TATDN1: variants seen among roughly 807,000 people sequenced by gnomAD.
TATDN1 encodes the protein TatD DNase domain containing 1, also known as deoxyribonuclease TATDN1.
A neutral mutation model predicts 46.4 loss-of-function variants in TATDN1; 40 were observed. That is an observed-to-expected ratio of 0.86 (90% CI 0.67 to 1.12). The LOEUF (loss-of-function observed/expected upper bound fraction) is 1.12. Ranked by LOEUF, TATDN1 falls within the 50% of genes most tolerant of loss-of-function variation. The pLI is 0.00. For synonymous variants in TATDN1, 95 were observed against 105.6 expected, an observed-to-expected ratio of 0.90 and a Z score of 0.62; for missense variants, 326 against 348.4, an observed-to-expected ratio of 0.94 and a Z score of 0.51.
intron 9 of TATDN1, among the ~76,000 whole-genome samples, chr8:124,500,773 C>A (rs1483634489): frequency 1.1e-4 from 16 of 146,364 alleles, no homozygotes; most frequent in East Asian, 4.1e-4. Context: ...AAAACAAAAC[C>A]AAACTTACAG....
rs77678981 is a variant in TATDN1 at position 124,496,065 on chromosome 8, T to C, written c.594-523A>G. On this transcript the variant is annotated intron_variant, in intron 9 of 11. Transcript: ENST00000276692. ...CTCTATCAGCCAAAACCCAGCTGAC[T>C]CAAAGATCCATGAATGCAAACATAA... 4.4e-3 allele frequency among the ~76,000 whole-genome samples: 674 copies of C among 152,330 alleles called. 6 individuals are homozygous for C. The highest frequency in any genetic ancestry group is 0.015 in the African/African-American group (634 of 41,574).
Position 124,493,837 on chromosome 8 carries a change from TA to T in TATDN1, c.786del (p.His262GlnfsTer2). ...CCATGAAAGCAAAATACTCACATTA[TA>T]TGGCAGGGTTCATTTCTGTCTTTTA... ...HCLKDRNEPC[H>X]IIQILEIMSA... On this transcript the variant is annotated frameshift_variant, in exon 11 of 12. Transcript: ENST00000276692. LOFTEE classifies it high-confidence loss of function. 1.2e-6 allele frequency: 2 copies of T among 1,603,802 alleles called. No individual in the cohort carries two copies. The highest frequency in any genetic ancestry group is 1.7e-6 in the Non-Finnish European group (2 of 1,177,832).
In TATDN1 at chr8:124,518,899, T is replaced by G; in HGVS notation, c.139-18A>C. 1 of 1,553,246 alleles carries G rather than the reference T, an allele frequency of 6.4e-7. No individual in the cohort carries two copies. Among genetic ancestry groups the G allele is most frequent in the East Asian group, 2.3e-5 (1 of 44,440 alleles). Reference sequence around the variant, plus strand: ...ATCATAAACTGAAATAGAAAGAAAATAAAATAAGCTGACTTTAATAGGGCA... The same window carrying G: ...ATCATAAACTGAAATAGAAAGAAAAGAAAATAAGCTGACTTTAATAGGGCA... On this transcript the variant is annotated intron_variant, in intron 3 of 11. Coordinates refer to ENST00000276692, the MANE Select transcript of TATDN1 (RefSeq NM_032026.4).
chr8:124,493,796 C>T (rs910974370), intron 11 of TATDN1, 37 bp downstream of exon 11: 19 of 1,563,012 alleles, frequency 1.2e-5, no homozygotes, highest in Non-Finnish European at 1.6e-5. Context: ...TGGTGGTTAA[C>T]TAATGATTTT....
chr8:124,498,203 G>T (rs1476426343), intron 9 of TATDN1, among the ~76,000 whole-genome samples: 1 of 152,100 alleles, frequency 6.6e-6, no homozygotes, highest in African/African-American at 2.4e-5. Context: ...GTGAAAGCAG[G>T]CCTGTTTTAC....
chr8:124,509,097 G>A (rs965557026), intron 6 of TATDN1, among the ~76,000 whole-genome samples: 2 of 152,084 alleles, frequency 1.3e-5, no homozygotes, highest in Non-Finnish European at 2.9e-5. Flanking sequence ...AATGAACAAG[G>A]TTTCCCTCAA....
chr8:124,529,992 G>A (rs1219583207), intron 1 of TATDN1, among the ~76,000 whole-genome samples: 1 of 152,132 alleles, frequency 6.6e-6, no homozygotes, highest in African/African-American at 2.4e-5. Context: ...TTGGGATGCT[G>A]AGGCAGGAGA....
At chr8:124,525,447 A>G (rs888301315) in intron 1 of TATDN1, among the ~76,000 whole-genome samples, 2 of 152,070 alleles carry the variant, frequency 1.3e-5, no homozygotes, top group Non-Finnish European at 2.9e-5. Context: ...ACGCCCAGCC[A>G]GTCTTAGTAA....
At chr8:124,532,700 C>T (rs1040260074) in intron 1 of TATDN1, among the ~76,000 whole-genome samples, 3 of 152,216 alleles carry the variant, frequency 2.0e-5, no homozygotes, top group East Asian at 1.9e-4. Context: ...AAATATTAAC[C>T]GTTTCACCCC....
chr8:124,532,323 G>A (rs531864696), intron 1 of TATDN1, among the ~76,000 whole-genome samples: 3 of 152,218 alleles, frequency 2.0e-5, no homozygotes, highest in African/African-American at 7.2e-5. Flanking sequence ...TCACTCTGTC[G>A]CCCGGGCTGG....
chr8:124,497,524 C>T (rs564728617), intron 9 of TATDN1, among the ~76,000 whole-genome samples: 28 of 152,108 alleles, frequency 1.8e-4, no homozygotes, highest in African/African-American at 4.1e-4. Context: ...TTACCTCAGG[C>T]GATCCACCTG....
chr8:124,494,644 A>G (rs1817305375), intron 10 of TATDN1: 2 of 152,066 alleles, frequency 1.3e-5, no homozygotes, highest in South Asian at 4.1e-4. Flanking sequence ...TCCCGGGTTC[A>G]AACAATTCTC....
chr8:124,497,034 A>G (rs1000533108), intron 9 of TATDN1, among the ~76,000 whole-genome samples: 2 of 152,230 alleles, frequency 1.3e-5, no homozygotes, highest in African/African-American at 4.8e-5. Flanking sequence ...TCAAATTTCC[A>G]GTTGTCTCAG....
At chr8:124,516,423 C>T (rs1237008513) in intron 4 of TATDN1, among the ~76,000 whole-genome samples, 1 of 151,970 alleles carries the variant, frequency 6.6e-6, no homozygotes, top group Non-Finnish European at 1.5e-5. Flanking sequence ...CCACCTCAGC[C>T]TCCCACGTAA....
intron 4 of TATDN1, among the ~76,000 whole-genome samples, chr8:124,518,013 C>T (rs1586639240): frequency 6.7e-6 from 1 of 149,104 alleles, no homozygotes; most frequent in Admixed American, 6.7e-5. Flanking sequence ...AGATCAAGAC[C>T]CATCTTGGCT....
chr8:124,523,100 T>A (rs1372051604), intron 1 of TATDN1, 98 bp from the exon 2 acceptor site: 2 of 978,336 alleles, frequency 2.0e-6, no homozygotes, highest in Non-Finnish European at 3.2e-6. Flanking sequence ...GTTCACACAC[T>A]CATCTACTCA....
intron 8 of TATDN1, among the ~76,000 whole-genome samples, chr8:124,507,465 T>C (rs974831482): frequency 2.0e-5 from 3 of 152,166 alleles, no homozygotes; most frequent in Non-Finnish European, 4.4e-5. Flanking sequence ...AGACGAAGAA[T>C]ATCATGCACA....
intron 1 of TATDN1, among the ~76,000 whole-genome samples, chr8:124,538,664 C>T (rs1821713972): frequency 6.6e-6 from 1 of 152,136 alleles, no homozygotes; most frequent in Non-Finnish European, 1.5e-5. Context: ...TCAGCCTCTC[C>T]GCCAAGGCAG....
rs1816613093 is a variant in TATDN1, at chr8:124,488,627, G to C, written c.861C>G (p.Asn287Lys). Reference sequence around the variant, plus strand: ...CAGGAAAAAATACTTTAATAGTATTGTTATATAGTGTATTGGCTAATTCCA... The same window carrying C: ...CAGGAAAAAATACTTTAATAGTATTCTTATATAGTGTATTGGCTAATTCCA... Reference protein sequence around the residue: ...DPLELANTLYNNTIKVFFPGI With the variant: ...DPLELANTLYKNTIKVFFPGI Residue 287 changes from asparagine to lysine, a missense_variant, in exon 12 of 12, where the codon AAC becomes AAG. By Grantham distance (94) the Asn-to-Lys change is moderately conservative. Coordinates refer to ENST00000276692, the MANE Select transcript of TATDN1 (RefSeq NM_032026.4). The C allele has an allele frequency of 6.3e-7, 1 of 1,585,782 alleles. No homozygotes were observed. The highest frequency in any genetic ancestry group is 1.3e-5 in the African/African-American group (1 of 74,310).
Sources: allele counts gnomAD v4.1 joint callset (sites outside exome capture counted in the v4.1 genomes callset), GRCh38; gene constraint gnomAD v4.1.1; transcripts MANE v1.5; gene names NCBI Gene and HGNC (gene_info 2026-07-23, HGNC 2026-07-21).